The following CFAP57 variants were observed in gnomAD, a reference collection of about 807,000 sequenced individuals.
CFAP57 encodes the protein cilia- and flagella-associated protein 57.
A neutral mutation model predicts 146.8 loss-of-function variants in CFAP57; 116 were observed. The observed-to-expected ratio is 0.79, with a 90% CI of 0.68 to 0.92. CFAP57 has a LOEUF of 0.92. Among genes scored for constraint, CFAP57 ranks in the 40% least tolerant of loss-of-function variants. The pLI is 0.00. For synonymous variants in CFAP57, 518 were observed against 552.8 expected (o/e 0.94, Z 0.88); for missense variants, 1,377 against 1,527.2 (o/e 0.90, Z 1.64).
intron 21 of CFAP57, among the ~76,000 whole-genome samples, chr1:43,239,073 G>T (rs534108809): frequency 6.6e-5 from 10 of 152,068 alleles, no homozygotes; most frequent in Non-Finnish European, 1.2e-4. Flanking sequence ...CTCCCCTGGG[G>T]TTGCACACTG....
At chr1:43,242,453 TTGGA>T (rs56071451) in intron 21 of CFAP57, among the ~76,000 whole-genome samples, 12 of 151,588 alleles carry the variant, frequency 7.9e-5, no homozygotes, top group Admixed American at 3.3e-4. Flanking sequence ...GAATGGTTGG[TTGGA>T]TGGATGGATG....
At chr1:43,228,062 C>T (rs1489188107) in intron 18 of CFAP57, among the ~76,000 whole-genome samples, 1 of 152,230 alleles carries the variant, frequency 6.6e-6, no homozygotes, top group African/African-American at 2.4e-5. Context: ...CTCCAGCCTC[C>T]AGTCTGGTCT....
rs1460685122 is a variant in CFAP57 at position 43,224,121 on chromosome 1, C to T, written c.2782C>T (p.Gln928Ter). 4 of 1,550,510 alleles carry T rather than the reference C, an allele frequency of 2.6e-6. No homozygotes were observed. The highest frequency in any genetic ancestry group is 1.2e-5 in the South Asian group (1 of 84,028). The change falls in exon 17 of 23, where the codon CAA (glutamine) becomes TAA (stop). Residue 928 changes from glutamine to a stop codon, truncating the protein, a stop_gained. Transcript: ENST00000372492. LOFTEE classifies it high-confidence loss of function. ...CCTAAAAGGAGAGCAGATGAAGCTG[C>T]AAGGAGTCATTAAGTCTCTGGAGAA... The part of the protein sequence containing the change: ...ETLKGEQMKL[Q>*]GVIKSLEKDI...
At chr1:43,248,357 G>A (rs1292665497) in intron 22 of CFAP57, among the ~76,000 whole-genome samples, 8 of 134,064 alleles carry the variant, frequency 6.0e-5, no homozygotes, top group Admixed American at 8.1e-5. Context: ...TCGCTCTGTC[G>A]CCCAGGCTGG....
chr1:43,179,129 C>T (rs909420005), intron 2 of CFAP57, among the ~76,000 whole-genome samples: 3 of 151,810 alleles, frequency 2.0e-5, no homozygotes, highest in Admixed American at 2.0e-4. Flanking sequence ...ACACCGGGGC[C>T]TGTTGTGGGG....
chr1:43,232,933 G>A (rs1645532930), intron 19 of CFAP57, among the ~76,000 whole-genome samples: 2 of 152,224 alleles, frequency 1.3e-5, no homozygotes, highest in African/African-American at 4.8e-5. Context: ...GAGGCAATTT[G>A]TCGCCGCTGG....
At chr1:43,224,285 C>T in intron 17 of CFAP57, 81 bp downstream of exon 17, 1 of 1,413,996 alleles carries the variant, frequency 7.1e-7, no homozygotes, top group Middle Eastern at 2.4e-4. Context: ...GAGAGAGGGT[C>T]CCTAGCTTCT....
chr1:43,209,689 ACG>A, intron 10 of CFAP57, 52 bp from the exon 11 acceptor site: 1 of 1,539,132 alleles, frequency 6.5e-7, no homozygotes, highest in Non-Finnish European at 8.9e-7. Flanking sequence ...TGGCACTGGG[ACG>A]TGGGGGCCAC....
chr1:43,195,399 G>A (rs569222351), intron 6 of CFAP57, among the ~76,000 whole-genome samples: 1 of 152,140 alleles, frequency 6.6e-6, no homozygotes, highest in Non-Finnish European at 1.5e-5. Context: ...GCATGTGCCT[G>A]CAGTCCCAGC....
At chr1:43,218,009 G>T (rs142451977) in intron 12 of CFAP57, among the ~76,000 whole-genome samples, 6 of 152,128 alleles carry the variant, frequency 3.9e-5, no homozygotes, top group Non-Finnish European at 8.8e-5. Flanking sequence ...GACTTTGCAC[G>T]TGCAATTTGT....
At position 43,254,010 on chromosome 1, in the gene CFAP57, C is replaced by T. The variant is rs1307329906; in HGVS notation, c.3572C>T (p.Thr1191Ile). The T allele has an allele frequency of 6.4e-7, 1 of 1,550,460 alleles. No individual in the cohort carries two copies. Among genetic ancestry groups the T allele is most frequent in the African/African-American group, 1.4e-5 (1 of 73,014 alleles). ...PSRDMLSTAP[T>I]ARLNEQEETG... is the part of the protein sequence containing the mutation. ...AGGGACATGCTCAGCACAGCTCCCACCGCAAGGTTGAATGAGCAAGAAGAA... is the reference window on the plus strand; with the variant it reads ...AGGGACATGCTCAGCACAGCTCCCATCGCAAGGTTGAATGAGCAAGAAGAA... Residue 1191 changes from threonine (T) to isoleucine (I), a missense_variant, in exon 23 of 23, where the codon ACC becomes ATC. By Grantham distance (89) the Thr-to-Ile change is moderately conservative (BLOSUM62 -1). Transcript: ENST00000372492.
At chr1:43,212,221 A>G (rs1314112108) in intron 11 of CFAP57, among the ~76,000 whole-genome samples, 1 of 152,156 alleles carries the variant, frequency 6.6e-6, no homozygotes, top group Non-Finnish European at 1.5e-5. Flanking sequence ...TGTAACCACC[A>G]CTACAATCAC....
chr1:43,172,621 A>G, intron 1 of CFAP57, 114 bp from the exon 2 acceptor site: 17 of 839,288 alleles, frequency 2.0e-5, no homozygotes, highest in South Asian at 2.9e-5. Context: ...AGGGGAGGAG[A>G]AAGGGGAGAG....
At chr1:43,234,457 C>G (rs1338367975) in intron 20 of CFAP57, 38 bp from the exon 21 acceptor site, 1 of 1,542,060 alleles carries the variant, frequency 6.5e-7, no homozygotes, top group Non-Finnish European at 8.8e-7. Flanking sequence ...CCTCCGGGGT[C>G]TCCTCTCCCT....
intron 11 of CFAP57, 179 bp downstream of exon 11, chr1:43,210,095 G>T (rs1175072982): frequency 6.2e-7 from 1 of 1,613,234 alleles, no homozygotes; most frequent in Non-Finnish European, 8.5e-7. Context: ...ACTACTTCCA[G>T]GAATTTAGCC....
chr1:43,206,752 C>CA lies in CFAP57; in HGVS notation c.1578dup (p.Leu527ThrfsTer12). The CA allele has an allele frequency of 1.2e-6, 2 of 1,614,062 alleles. No individual in the cohort carries two copies. Among genetic ancestry groups the CA allele is most frequent in the Non-Finnish European group, 1.7e-6 (2 of 1,180,022 alleles). On this transcript the variant is annotated frameshift_variant, in exon 10 of 23. Coordinates refer to ENST00000372492, the MANE Select transcript of CFAP57 (RefSeq NM_001378189.1). LOFTEE classifies it high-confidence loss of function. ...CAATTGTGTGGAATGCAGATGATAG[C>CA]AAACTGATTTCTGGTGGCACAGATG...
intron 18 of CFAP57, chr1:43,232,012 A>G (rs1369023516): frequency 3.0e-6 from 2 of 674,010 alleles, no homozygotes; most frequent in East Asian, 2.8e-5. Flanking sequence ...TTCCTGTTTT[A>G]TGCCTTAGAT....
chr1:43,219,897 TGTA>T (rs1644978967), intron 13 of CFAP57, among the ~76,000 whole-genome samples: 1 of 151,924 alleles, frequency 6.6e-6, no homozygotes, highest in South Asian at 2.1e-4. Flanking sequence ...AAGTGGAGGT[TGTA>T]GTGAGCTGAG....
At chr1:43,244,595 C>T (rs1170037197) in intron 22 of CFAP57, among the ~76,000 whole-genome samples, 5 of 152,068 alleles carry the variant, frequency 3.3e-5, no homozygotes, top group Non-Finnish European at 7.4e-5. Context: ...GAGAGCATAG[C>T]GTGTGTCATA....
Sources: gnomAD v4.1 joint callset for allele counts (sites outside exome capture counted in the v4.1 genomes callset) on GRCh38, gnomAD v4.1.1 for gene constraint, MANE v1.5 for transcripts, NCBI Gene and HGNC (gene_info 2026-07-23, HGNC 2026-07-21) for gene names.